FSTL5: variants seen among roughly 807,000 people sequenced by gnomAD.
FSTL5 encodes follistatin like 5, also known as follistatin-related protein 5.
A neutral mutation model predicts 89.1 loss-of-function variants in FSTL5; 62 were observed. The observed-to-expected ratio is 0.70, with a 90% confidence interval of 0.57 to 0.86. The LOEUF (loss-of-function observed/expected upper bound fraction) is 0.86. Ranked by LOEUF, FSTL5 falls within the 40% of genes least tolerant of loss-of-function variation. The pLI is 0.00. For missense variants in FSTL5, 1,057 were observed against 1,001.6 expected (o/e 1.06, Z -0.75); for synonymous variants, 383 against 346.2 (o/e 1.11, Z -1.18).
chr4:161,441,320 C>T (rs966344298), intron 15 of FSTL5, among the ~76,000 whole-genome samples: 1 of 150,086 alleles, frequency 6.7e-6, no homozygotes, highest in South Asian at 2.1e-4. Context: ...ACTTCTTGAG[C>T]TTTATAAATT....
chr4:162,046,497 T>G (rs1268593088), intron 2 of FSTL5, among the ~76,000 whole-genome samples: 1 of 152,144 alleles, frequency 6.6e-6, no homozygotes, highest in Non-Finnish European at 1.5e-5. Context: ...CATAACCAAC[T>G]GCATACTTCT....
chr4:162,005,368 C>G (rs1736586803), intron 3 of FSTL5, among the ~76,000 whole-genome samples: 1 of 152,158 alleles, frequency 6.6e-6, no homozygotes, highest in Non-Finnish European at 1.5e-5. Flanking sequence ...CTAAACTATA[C>G]TTTCAATGAG....
In FSTL5 at chr4:161,879,703, G is replaced by A. The variant is rs570905385; in HGVS notation, c.409+40701C>T. Among the ~76,000 whole-genome samples the A allele has an allele frequency of 9.8e-4, 149 of 152,130 alleles. 5 individuals carry two copies. In the Middle Eastern group the frequency reaches 0.017, roughly 17 times the overall value. ...AACTTTATTTTCCTGTATGTGACTTGACTAGCATCCCTCACTTCATTCAGT... is the reference window on the plus strand; with the variant it reads ...AACTTTATTTTCCTGTATGTGACTTAACTAGCATCCCTCACTTCATTCAGT... On this transcript the variant is annotated intron_variant, in intron 4 of 15. Coordinates refer to ENST00000306100, the MANE Select transcript of FSTL5 (RefSeq NM_020116.5).
At chr4:161,415,214 C>T (rs1319207583) in intron 15 of FSTL5, among the ~76,000 whole-genome samples, 1 of 151,316 alleles carries the variant, frequency 6.6e-6, no homozygotes, top group Non-Finnish European at 1.5e-5. Context: ...ACAATGCTGC[C>T]CACCCCCAGC....
At chr4:162,111,139 T>A in intron 2 of FSTL5, 132 bp downstream of exon 2, 1 of 718,480 alleles carries the variant, frequency 1.4e-6, no homozygotes, top group African/African-American at 1.8e-5. Flanking sequence ...AATGTGCATT[T>A]TAAAAATAAT....
chr4:161,883,659 T>C (rs547967068), intron 4 of FSTL5, among the ~76,000 whole-genome samples: 1 of 152,314 alleles, frequency 6.6e-6, no homozygotes, highest in East Asian at 1.9e-4. Context: ...TACCTATTTC[T>C]AATAACTAAA....
At chr4:161,579,943 A>T (rs991667102) in intron 8 of FSTL5, among the ~76,000 whole-genome samples, 2 of 151,994 alleles carry the variant, frequency 1.3e-5, no homozygotes, top group African/African-American at 4.8e-5. Context: ...TGTAGTTTAA[A>T]CTTTTGGACT....
intron 4 of FSTL5, among the ~76,000 whole-genome samples, chr4:161,875,340 CCTTTGCAAATTTGTAA>C (rs143162737): frequency 0.011 from 1,681 of 152,244 alleles, 37 homozygotes; most frequent in African/African-American, 0.038. Flanking sequence ...GTAGAGTCTT[CCTTTGCAAATTTGTAA>C]CTTCACCCTA....
At chr4:162,006,941 T>G (rs1017073331) in intron 3 of FSTL5, among the ~76,000 whole-genome samples, 2 of 151,882 alleles carry the variant, frequency 1.3e-5, no homozygotes, top group African/African-American at 4.8e-5. Context: ...AGTTAAAAAA[T>G]AGATGCACAA....
At chr4:161,666,672 C>T (rs1280025378) in intron 6 of FSTL5, among the ~76,000 whole-genome samples, 3 of 151,970 alleles carry the variant, frequency 2.0e-5, no homozygotes, top group Non-Finnish European at 4.4e-5. Flanking sequence ...GAGAAGACCC[C>T]TATATGGGGA....
rs13435276 is a variant in FSTL5 at position 162,098,872 on chromosome 4, G to T, written c.126+12399C>A. Reference sequence around the variant, plus strand: ...TTCTGGAACAACTGCACATCTACATGCAAAAACAGCAACAAAAAGAATCCA... The same window carrying T: ...TTCTGGAACAACTGCACATCTACATTCAAAAACAGCAACAAAAAGAATCCA... On this transcript the variant is annotated intron_variant, in intron 2 of 15. Coordinates refer to ENST00000306100, the MANE Select transcript of FSTL5 (RefSeq NM_020116.5). Among the ~76,000 whole-genome samples, 1,469 of 152,050 alleles carry T rather than the reference G, an allele frequency of 9.7e-3. 26 individuals are homozygous for T. The highest frequency in any genetic ancestry group is 0.033 in the African/African-American group (1,353 of 41,512).
intron 15 of FSTL5, among the ~76,000 whole-genome samples, chr4:161,424,035 T>C (rs28437717): frequency 9.5e-5 from 13 of 136,744 alleles, no homozygotes; most frequent in African/African-American, 2.8e-4. Flanking sequence ...TTTTTTTTTT[T>C]TTTTTTTTTT....
At chr4:161,396,721 A>G (rs1731016664) in intron 15 of FSTL5, among the ~76,000 whole-genome samples, 1 of 102,818 alleles carries the variant, frequency 9.7e-6, no homozygotes, top group African/African-American at 3.5e-5. Flanking sequence ...ATTTACATAA[A>G]TGAAAACTGT....
At chr4:162,106,324 G>C (rs1455124401) in intron 2 of FSTL5, among the ~76,000 whole-genome samples, 1 of 152,100 alleles carries the variant, frequency 6.6e-6, no homozygotes, top group Non-Finnish European at 1.5e-5. Context: ...GTCCCACTAG[G>C]TATACTCAAA....
intron 1 of FSTL5, among the ~76,000 whole-genome samples, chr4:162,147,146 C>T (rs1465075876): frequency 6.6e-6 from 1 of 152,036 alleles, no homozygotes; most frequent in African/African-American, 2.4e-5. Context: ...TATCCTGTTT[C>T]TCTAGGCTCT....
chr4:161,987,817 T>C (rs1200842469), intron 3 of FSTL5, among the ~76,000 whole-genome samples: 1 of 151,688 alleles, frequency 6.6e-6, no homozygotes, highest in African/African-American at 2.4e-5. Context: ...CACCTTCAAC[T>C]AAAATGTCAC....
chr4:161,526,982 G>C (rs1211501140), intron 10 of FSTL5, among the ~76,000 whole-genome samples: 3 of 152,254 alleles, frequency 2.0e-5, no homozygotes, highest in Non-Finnish European at 2.9e-5. Flanking sequence ...TGTGAAGAAA[G>C]TCATTGGTAG....
intron 4 of FSTL5, among the ~76,000 whole-genome samples, chr4:161,833,712 T>C (rs1379358868): frequency 6.6e-6 from 1 of 152,002 alleles, no homozygotes; most frequent in African/African-American, 2.4e-5. Context: ...ACCCCTGCCT[T>C]TTTTTGCTTT....
intron 8 of FSTL5, among the ~76,000 whole-genome samples, chr4:161,562,373 T>G (rs1732636666): frequency 1.3e-5 from 2 of 151,986 alleles, no homozygotes; most frequent in Admixed American, 6.6e-5. Context: ...CAGCTGTGAT[T>G]TTCATAGAAA....
Sources: gnomAD v4.1 joint callset for allele counts (sites outside exome capture counted in the v4.1 genomes callset) on GRCh38, gnomAD v4.1.1 for gene constraint, MANE v1.5 for transcripts, NCBI Gene and HGNC (gene_info 2026-07-23, HGNC 2026-07-21) for gene names.